Variants in ERI3 observed in about 807,000 individuals in gnomAD.
The protein encoded by ERI3 is ERI1 exoribonuclease 3.
In ERI3, 18 loss-of-function variants were observed where a neutral mutation model predicts 44.4. That is an observed-to-expected ratio of 0.41 (90% CI 0.28 to 0.60). The LOEUF (loss-of-function observed/expected upper bound fraction) is 0.60, where lower values mean the gene tolerates loss of function less well. ERI3 is among the 20% of genes least tolerant of loss of function. ERI3 has a pLI of 0.36. For missense variants in ERI3, 294 were observed against 435.5 expected (o/e 0.68, Z 2.89); for synonymous variants, 183 against 164.8 (o/e 1.11, Z -0.84).
intron 3 of ERI3, among the ~76,000 whole-genome samples, chr1:44,333,682 G>A (rs1646476376): frequency 6.6e-6 from 1 of 152,174 alleles, no homozygotes; most frequent in African/African-American, 2.4e-5. Flanking sequence ...GCTTTGTAGG[G>A]ATCTTAACCA....
chr1:44,238,616 C>T (rs1644362183), intron 8 of ERI3, among the ~76,000 whole-genome samples: 1 of 152,146 alleles, frequency 6.6e-6, no homozygotes, highest in Non-Finnish European at 1.5e-5. Flanking sequence ...GCTGACTGTC[C>T]TATCCCAACC....
chr1:44,294,073 C>T (rs1306305036), intron 6 of ERI3, among the ~76,000 whole-genome samples: 3 of 152,234 alleles, frequency 2.0e-5, no homozygotes, highest in Non-Finnish European at 2.9e-5. Context: ...GATCTGGCAG[C>T]GACCTGCTGT....
intron 6 of ERI3, 49 bp from the exon 7 acceptor site, chr1:44,284,956 GGTATGAA>G: frequency 6.7e-7 from 1 of 1,499,836 alleles, no homozygotes; most frequent in Admixed American, 1.7e-5. Flanking sequence ...CCATGTCCCA[GGTATGAA>G]GTCTTAAGAT....
chr1:44,292,282 T>C (rs1645523124), intron 6 of ERI3, among the ~76,000 whole-genome samples: 1 of 151,956 alleles, frequency 6.6e-6, no homozygotes. Context: ...GGGAAGGAGA[T>C]ATGAATAGAG....
Position 44,308,223 on chromosome 1 carries a change from C to T in ERI3, c.758+87G>A. The T allele has an allele frequency of 5.4e-6, 5 of 925,594 alleles. No individual in the cohort carries two copies. The South Asian group carries it at 6.7e-5, about 12-fold the overall frequency. The allele number at this position is 925,594 out of a possible 1,614,324, so 57.3% of individuals were successfully genotyped here. A position where few individuals can be genotyped will look rare whatever the true frequency, so the allele number is the denominator to read the frequency against. On this transcript the variant is annotated intron_variant, in intron 6 of 8. Transcript: ENST00000372257. ...ACCTGAAGAATCCCTGATCCAGCTG[C>T]CTTGTAGACATTTAAGCCTCCAAAA...
In ERI3 at chr1:44,286,647, C is replaced by T. The variant is rs148592416; in HGVS notation, c.759-1740G>A. 2.9e-3 allele frequency among the ~76,000 whole-genome samples: 437 copies of T among 152,308 alleles called. 2 individuals carry two copies. The highest frequency in any genetic ancestry group is 0.01 in the African/African-American group (425 of 41,550). ...TTACCCCCATCAGACCATCATCACA[C>T]ACAAGGACCTCACTTCATGAAGCGG... On this transcript the variant is annotated intron_variant, in intron 6 of 8. Transcript: ENST00000372257.
At chr1:44,322,698 C>G in intron 3 of ERI3, 2 of 1,534,690 alleles carry the variant, frequency 1.3e-6, no homozygotes, top group South Asian at 1.2e-5. Context: ...ATTAGAGCAG[C>G]AAGGACCTCA....
At chr1:44,286,876 T>C (rs771220376) in intron 6 of ERI3, among the ~76,000 whole-genome samples, 1 of 152,160 alleles carries the variant, frequency 6.6e-6, no homozygotes, top group African/African-American at 2.4e-5. Context: ...CACATATCCT[T>C]ATCAACTTCA....
At chr1:44,301,721 C>A in intron 6 of ERI3, among the ~76,000 whole-genome samples, 1 of 152,206 alleles carries the variant, frequency 6.6e-6, no homozygotes, top group East Asian at 1.9e-4. Context: ...ACTACCCTGA[C>A]CCACCCACTC....
At position 44,229,221 on chromosome 1, in the gene ERI3, G is replaced by A. The variant is rs143124442; in HGVS notation, c.932-7581C>T. Among the ~76,000 whole-genome samples, 9 of 152,286 alleles carry A rather than the reference G, an allele frequency of 5.9e-5. No individual in the cohort carries two copies. In the South Asian group the frequency reaches 6.2e-4, roughly 11 times the overall value. On this transcript the variant is annotated intron_variant, in intron 8 of 8. Transcript: ENST00000372257. Reference sequence around the variant, plus strand: ...TGGATCAGGGAAAGCAGGCAAGAACGGTGGCAGGGAGAGTGGCTGGTGGCT... The same window carrying A: ...TGGATCAGGGAAAGCAGGCAAGAACAGTGGCAGGGAGAGTGGCTGGTGGCT...
intron 8 of ERI3, among the ~76,000 whole-genome samples, chr1:44,233,684 T>C (rs116185653): frequency 1.1e-3 from 162 of 152,300 alleles, no homozygotes; most frequent in African/African-American, 3.7e-3. Context: ...TTTCCACTGA[T>C]ACAGCTTCAC....
chr1:44,297,896 T>A (rs1223860608), intron 6 of ERI3, among the ~76,000 whole-genome samples: 3 of 152,220 alleles, frequency 2.0e-5, no homozygotes, highest in Non-Finnish European at 2.9e-5. Flanking sequence ...ACCCTTTCAC[T>A]GCCAAGCAGC....
chr1:44,248,891 C>A lies in ERI3; in HGVS notation c.832-853G>T, dbSNP rs1317020565. ...GCACTCCATTGCCCCCCCTCCATCC[C>A]CTTCCCTCACCACCTGGCTGCCAGC... is the stretch of plus-strand genomic sequence containing the variant. On this transcript the variant is annotated intron_variant, in intron 7 of 8. Transcript: ENST00000372257. 1.3e-5 allele frequency among the ~76,000 whole-genome samples: 2 copies of A among 152,094 alleles called. 1 individual carries two copies. Among genetic ancestry groups the A allele is most frequent in the South Asian group, 4.2e-4 (2 of 4,816 alleles).
intron 6 of ERI3, among the ~76,000 whole-genome samples, chr1:44,293,612 G>A (rs192374868): frequency 3.3e-5 from 5 of 152,352 alleles, no homozygotes; most frequent in African/African-American, 1.2e-4. Flanking sequence ...CAGATGTCAG[G>A]AGCCAGAGCT....
At chr1:44,246,331 C>G (rs2154317996) in intron 8 of ERI3, among the ~76,000 whole-genome samples, 1 of 152,334 alleles carries the variant, frequency 6.6e-6, no homozygotes, top group East Asian at 1.9e-4. Context: ...TCCTATTCAT[C>G]TTTCAAAGAT....
At chr1:44,326,550 G>T (rs536866277) in intron 3 of ERI3, among the ~76,000 whole-genome samples, 1 of 152,108 alleles carries the variant, frequency 6.6e-6, no homozygotes, top group African/African-American at 2.4e-5. Flanking sequence ...CTGCAAATTC[G>T]AATTGCCAAA....
chr1:44,237,907 G>A (rs1184325531), intron 8 of ERI3, among the ~76,000 whole-genome samples: 3 of 152,012 alleles, frequency 2.0e-5, no homozygotes, highest in South Asian at 2.1e-4. Flanking sequence ...CCCGGCGGCC[G>A]GCAGCACTAC....
intron 6 of ERI3, among the ~76,000 whole-genome samples, chr1:44,303,753 G>A (rs1645775878): frequency 1.3e-5 from 2 of 152,202 alleles, no homozygotes; most frequent in South Asian, 4.2e-4. Flanking sequence ...AAACAGTTTG[G>A]ACTTTACCCT....
At chr1:44,262,731 C>A (rs999596765) in intron 7 of ERI3, among the ~76,000 whole-genome samples, 1 of 152,218 alleles carries the variant, frequency 6.6e-6, no homozygotes, top group African/African-American at 2.4e-5. Flanking sequence ...TTGTGAGGTA[C>A]AGGAAAGACC....
Sources: allele counts gnomAD v4.1 joint callset (sites outside exome capture counted in the v4.1 genomes callset), GRCh38; gene constraint gnomAD v4.1.1; transcripts MANE v1.5; gene names NCBI Gene and HGNC (gene_info 2026-07-23, HGNC 2026-07-21).